Variants in PML observed in about 807,000 individuals in gnomAD.
PML encodes protein PML.
In PML, 28 loss-of-function variants were observed where a neutral mutation model predicts 65.2. That is an observed-to-expected ratio of 0.43 (90% CI 0.32 to 0.59). The LOEUF (loss-of-function observed/expected upper bound fraction) is 0.59, where lower values mean the gene tolerates loss of function less well. Among genes scored for constraint, PML ranks in the 20% least tolerant of loss-of-function variants. The pLI is 0.08. For synonymous variants in PML, 500 were observed against 508.8 expected (o/e 0.98, Z 0.23); for missense variants, 1,021 against 1,203.4 (o/e 0.85, Z 2.24).
At chr15:74,031,507 T>C (rs2071323769) in intron 4 of PML, among the ~76,000 whole-genome samples, 1 of 152,232 alleles carries the variant, frequency 6.6e-6, no homozygotes, top group African/African-American at 2.4e-5. Context: ...TCATTGCTTT[T>C]TATGGCTGAA....
chr15:74,001,604 G>A (rs2069766810), intron 2 of PML, among the ~76,000 whole-genome samples: 3 of 152,166 alleles, frequency 2.0e-5, no homozygotes, highest in Non-Finnish European at 4.4e-5. Flanking sequence ...GTCTCCCAAA[G>A]TTCTGGGATT....
intron 4 of PML, 116 bp from the exon 5 acceptor site, chr15:74,032,456 G>A (rs2071364091): frequency 2.8e-6 from 3 of 1,074,490 alleles, no homozygotes; most frequent in Admixed American, 3.6e-5. Context: ...TTGAGTCAGG[G>A]AGCCTGGACC....
At chr15:74,036,039 T>A in intron 7 of PML, 1 of 1,614,106 alleles carries the variant, frequency 6.2e-7, no homozygotes, top group Non-Finnish European at 8.5e-7. Context: ...TTACAGGCCC[T>A]GCACAGAGTA....
Position 74,043,020 on chromosome 15 carries a change from A to G in PML, c.1742A>G (p.Glu581Gly). The G allele has an allele frequency of 6.2e-7, 1 of 1,613,612 alleles. No individual in the cohort carries two copies. The highest frequency in any genetic ancestry group is 8.5e-7 in the Non-Finnish European group (1 of 1,179,910). ...CGAGAGCTGGATGACAGCAGCAGTG[A>G]GTCCAGTGACCTCCAGCTGGAAGGC... ...SSRELDDSSS[E>G]SSDLQLEGPS... The change falls in exon 8 of 9, where the codon GAG becomes GGG. Residue 581 changes from glutamate to glycine, a missense_variant. By Grantham distance (98) the Glu-to-Gly change is moderately conservative. Coordinates refer to ENST00000268058, the MANE Select transcript of PML (RefSeq NM_033238.3). The surrounding 1 kb of genome is among the most constrained non-coding windows in gnomAD (Gnocchi z 4.3).
chr15:74,047,075 T>A lies in PML; in HGVS notation c.*2067T>A, dbSNP rs1439621779. The A allele has an allele frequency of 4.3e-6, 1 of 230,148 alleles. No individual in the cohort carries two copies. The highest frequency in any genetic ancestry group is 8.6e-6 in the Non-Finnish European group (1 of 116,222). 14.3% of individuals were successfully genotyped at this position (230,148 alleles called of 1,614,324 possible). ...AGGAAAGAAGCACCGATTTCAAGAA[T>A]TACTTCCTAGAGAAAGTCAGGAACT... is the stretch of plus-strand genomic sequence containing the variant. On this transcript the variant is annotated 3_prime_UTR_variant, in exon 9 of 9. Coordinates refer to ENST00000268058, the MANE Select transcript of PML (RefSeq NM_033238.3).
At position 74,044,642 on chromosome 15, in the gene PML, G is replaced by T; in HGVS notation, c.2283G>T (p.Pro761=). The change falls in exon 9 of 9, where the codon CCG becomes CCT. Residue 761 remains proline (P), a synonymous_variant. Transcript: ENST00000268058. ...RDLCRLLEVS[P]GPQLAQHVYP... ...TGTGCCGCCTCCTCGAGGTCTCCCC[G>T]GGCCCCCAGCTGGCCCAGCATGTCT... 1.2e-6 allele frequency: 2 copies of T among 1,605,676 alleles called. No individual in the cohort carries two copies. The highest frequency in any genetic ancestry group is 1.7e-6 in the Non-Finnish European group (2 of 1,179,874).
chr15:74,017,131 T>A (rs12911984), intron 2 of PML, among the ~76,000 whole-genome samples: 46 of 152,020 alleles, frequency 3.0e-4, no homozygotes, highest in Admixed American at 5.9e-4. Context: ...TGGTTTCTTT[T>A]ATTTCTTCAG....
At position 74,035,368 on chromosome 15, in the gene PML, C is replaced by T; in HGVS notation, c.1710+838C>T. The stretch of plus-strand genomic sequence containing the variant: ...GCTGAGCAGGCTGCCACCCCCGATG[C>T]TGAGCCTCACAGCGAGCCTCCTGAT... On this transcript the variant is annotated intron_variant, in intron 7 of 8. Coordinates refer to ENST00000268058, the MANE Select transcript of PML (RefSeq NM_033238.3). This position sits in a 1 kb window ranked among gnomAD's most constrained non-coding sequence, Gnocchi z 4.1. 1 of 1,612,034 alleles carries T rather than the reference C, an allele frequency of 6.2e-7. No individual in the cohort carries two copies.
chr15:74,042,608 C>A lies in PML; in HGVS notation c.1711-381C>A. On this transcript the variant is annotated intron_variant, in intron 7 of 8. Transcript: ENST00000268058. The surrounding 1 kb of genome is among the most constrained non-coding windows in gnomAD (Gnocchi z 5.3). Reference sequence around the variant, plus strand: ...AGCACAGCACACTCATGCACACACCCACTGGCATTTTCTCTCACACTTTCA... The same window carrying A: ...AGCACAGCACACTCATGCACACACCAACTGGCATTTTCTCTCACACTTTCA... The A allele has an allele frequency of 1.0e-6, 1 of 985,436 alleles. No individual in the cohort carries two copies. Among genetic ancestry groups the A allele is most frequent in the Non-Finnish European group, 1.2e-6 (1 of 829,938 alleles). 61.0% of individuals were successfully genotyped at this position (985,436 alleles called of 1,614,324 possible).
At chr15:74,004,446 G>T (rs2069936929) in intron 2 of PML, among the ~76,000 whole-genome samples, 1 of 151,808 alleles carries the variant, frequency 6.6e-6, no homozygotes, top group African/African-American at 2.4e-5. Context: ...GACTATAGGT[G>T]CCTGCCACCA....
At position 74,035,209 on chromosome 15, in the gene PML, C is replaced by T. The variant is rs372539605; in HGVS notation, c.1710+679C>T. The T allele has an allele frequency of 1.6e-5, 24 of 1,495,708 alleles. No homozygotes were observed. The highest frequency in any genetic ancestry group is 9.7e-5 in the African/African-American group (7 of 72,388). 92.7% of individuals were successfully genotyped at this position (1,495,708 alleles called of 1,614,324 possible). On this transcript the variant is annotated intron_variant, in intron 7 of 8. Transcript: ENST00000268058. This position sits in a 1 kb window ranked among gnomAD's most constrained non-coding sequence, Gnocchi z 4.1. The stretch of plus-strand genomic sequence containing the variant: ...ATGGAGACCGCCGAGCCACAGTCCT[C>T]GCCAGCCCACTCCTCGCCAGCCCAC...
At chr15:74,033,480 T>G (rs2071409609) in intron 6 of PML, 66 bp downstream of exon 6, 1 of 1,579,344 alleles carries the variant, frequency 6.3e-7, no homozygotes, top group African/African-American at 1.3e-5. Flanking sequence ...GCCCCTCTTC[T>G]GTATTTTGGC....
chr15:74,006,878 G>A (rs138929389), intron 2 of PML, among the ~76,000 whole-genome samples: 4 of 152,248 alleles, frequency 2.6e-5, no homozygotes, highest in African/African-American at 4.8e-5. Flanking sequence ...GATGCCAGGC[G>A]CCTTTAAATA....
In PML at chr15:74,044,516, C is replaced by G; in HGVS notation, c.2157C>G (p.Pro719=). The G allele has an allele frequency of 1.9e-6, 3 of 1,614,002 alleles. No individual in the cohort carries two copies. In the South Asian group the frequency reaches 3.3e-5, roughly 18 times the overall value. The change falls in exon 9 of 9, where the codon CCC becomes CCG. Residue 719 remains proline, a synonymous_variant. Coordinates refer to ENST00000268058, the MANE Select transcript of PML (RefSeq NM_033238.3). ...AALPLIRERV[P]GASSFKLKNL... is the part of the protein sequence containing the mutation. ...TGCCTCTCATCCGGGAGCGTGTGCC[C>G]GGGGCCAGCAGCTTCAAACTCAAGA... is the stretch of plus-strand genomic sequence containing the variant.
At chr15:73,999,595 GGCCTGTTTAGGTCCTTT>G in intron 2 of PML, among the ~76,000 whole-genome samples, 1 of 152,206 alleles carries the variant, frequency 6.6e-6, no homozygotes, top group East Asian at 1.9e-4. Flanking sequence ...ATTTGCGAGT[GGCCTGTTTAGGTCCTTT>G]GCCTGTTGTT....
intron 4 of PML, chr15:74,026,430 A>C (rs546206647): frequency 6.6e-6 from 1 of 152,294 alleles, no homozygotes; most frequent in South Asian, 2.1e-4. Flanking sequence ...TCGGCCTCCC[A>C]AAGTGCTGGG....
At chr15:73,997,159 C>G (rs1303561133) in intron 1 of PML, among the ~76,000 whole-genome samples, 1 of 152,200 alleles carries the variant, frequency 6.6e-6, no homozygotes, top group Non-Finnish European at 1.5e-5. Flanking sequence ...GACGTACTTT[C>G]AATTTTCCAT....
At chr15:73,997,784 T>A (rs981466522) in intron 1 of PML, among the ~76,000 whole-genome samples, 2 of 152,130 alleles carry the variant, frequency 1.3e-5, no homozygotes, top group Non-Finnish European at 2.9e-5. Flanking sequence ...TTACTGTGGG[T>A]GATGAGAAGT....
At position 74,037,773 on chromosome 15, in the gene PML, G is replaced by A. The variant is rs2071605314; in HGVS notation, c.1710+3243G>A. On this transcript the variant is annotated intron_variant, in intron 7 of 8. Transcript: ENST00000268058. The surrounding 1 kb of genome is among the most constrained non-coding windows in gnomAD (Gnocchi z 4.2). ...CAGGCTCTGTTTTTTCTTGGTTGTG[G>A]TGCTCCTGCAGGTTTGCTGCTGGGC... 1.1e-6 allele frequency: 1 copy of A among 948,684 alleles called. No homozygotes were observed. The highest frequency in any genetic ancestry group is 1.3e-6 in the Non-Finnish European group (1 of 796,444). The allele number at this position is 948,684 out of a possible 1,614,324, so 58.8% of individuals were successfully genotyped here. A position where few individuals can be genotyped will look rare whatever the true frequency, so the allele number is the denominator to read the frequency against.
Sources: gnomAD v4.1 joint callset for allele counts (sites outside exome capture counted in the v4.1 genomes callset) on GRCh38, gnomAD v4.1.1 for gene constraint, Gnocchi (gnomAD v3.1) non-coding constraint, MANE v1.5 for transcripts, NCBI Gene and HGNC (gene_info 2026-07-23, HGNC 2026-07-21) for gene names.